Variants in ZNF888 observed in about 807,000 individuals in gnomAD.
ZNF888 encodes zinc finger protein 888.
ZNF888 carries 5 observed loss-of-function variants against 7.2 expected under a neutral mutation model. The ratio of observed to expected loss-of-function variants is 0.70; its 90% CI spans 0.36 to 1.46. The LOEUF (loss-of-function observed/expected upper bound fraction) is 1.46, where lower values mean the gene tolerates loss of function less well. Among genes scored for constraint, ZNF888 ranks in the 40% most tolerant of loss-of-function variants. The pLI is 0.03. For missense variants in ZNF888, 716 were observed against 858.0 expected (o/e 0.83, Z 2.07); for synonymous variants, 240 against 284.3 (o/e 0.84, Z 1.57).
intron 4 of ZNF888, 103 bp from the exon 5 acceptor site, chr19:52,908,282 T>G: frequency 8.7e-7 from 1 of 1,150,932 alleles, no homozygotes; most frequent in Non-Finnish European, 1.3e-6. Flanking sequence ...TTTAAACATC[T>G]CAAACATGAG....
At position 52,907,013 on chromosome 19, in the gene ZNF888, G is replaced by A. The variant is rs1461881917; in HGVS notation, c.1309C>T (p.Pro437Ser). The A allele has an allele frequency of 3.8e-5, 61 of 1,612,156 alleles. No homozygotes were observed. Among genetic ancestry groups the A allele is most frequent in the Non-Finnish European group, 4.2e-6 (5 of 1,179,704 alleles). The change falls in exon 5 of 5, where the codon CCT becomes TCT. Residue 437 changes from proline (P) to serine (S), a missense_variant. By Grantham distance (74) the Pro-to-Ser change is moderately conservative (BLOSUM62 -1). Transcript: ENST00000638862. Reference sequence around the variant, plus strand: ...TTGCCACATTCATTACACTTGTAAGGTTTCTCTCCAGTATGAATTGTCTTG... The same window carrying A: ...TTGCCACATTCATTACACTTGTAAGATTTCTCTCCAGTATGAATTGTCTTG... The part of the protein sequence containing the change: ...VHKTIHTGEK[P>S]YKCNECGKVF...
At position 52,906,177 on chromosome 19, in the gene ZNF888, C is replaced by A; in HGVS notation, c.2145G>T (p.Gly715=). 1 of 1,612,110 alleles carries A rather than the reference C, an allele frequency of 6.2e-7. No individual in the cohort carries two copies. The highest frequency in any genetic ancestry group is 1.1e-5 in the South Asian group (1 of 90,832). Residue 715 remains glycine, a synonymous_variant, in exon 5 of 5, where the codon GGG becomes GGT. Transcript: ENST00000638862. The part of the protein sequence containing the change: ...LIHHQAIHGV[G]KLD ...GACAATCATTACATTAGTCAAGTTT[C>A]CCTACACCATGGATTGCCTGATGGT... is the stretch of plus-strand genomic sequence containing the variant.
At chr19:52,919,592 G>A (rs1600691137) in intron 1 of ZNF888, among the ~76,000 whole-genome samples, 1 of 71,146 alleles carries the variant, frequency 1.4e-5, no homozygotes, top group Admixed American at 1.8e-4. Context: ...CATCTGGGAA[G>A]TGAGGAGCGT....
intron 1 of ZNF888, 24 bp from the exon 2 acceptor site, chr19:52,918,961 TCCCTCTCCCTCC>T (rs1190994554): frequency 1.5e-4 from 1 of 6,706 alleles, no homozygotes; most frequent in East Asian, 7.5e-3. Context: ...AAAAAAAATC[TCCCTCTCCCTCC>T]CCCTCCCTCT....
In ZNF888 at chr19:52,917,948, T is replaced by C; in HGVS notation, c.-58-17A>G. ...ACCCAGAGTCTTTAGAAGTCAATCATGAATGTTAGAAATATGTTGTTTATT... is the reference window on the plus strand; with the variant it reads ...ACCCAGAGTCTTTAGAAGTCAATCACGAATGTTAGAAATATGTTGTTTATT... On this transcript the variant is annotated splice_polypyrimidine_tract_variant and intron_variant, in intron 2 of 4. Coordinates refer to ENST00000638862, the MANE Select transcript of ZNF888 (RefSeq NM_001393938.1). 7 of 1,605,812 alleles carry C rather than the reference T, an allele frequency of 4.4e-6. No individual in the cohort carries two copies. The highest frequency in any genetic ancestry group is 5.9e-6 in the Non-Finnish European group (7 of 1,179,504).
chr19:52,912,876 G>C (rs1315918880), intron 4 of ZNF888, among the ~76,000 whole-genome samples: 6 of 152,138 alleles, frequency 3.9e-5, no homozygotes, highest in Non-Finnish European at 1.5e-5. Flanking sequence ...GGGAGGATGA[G>C]CCAGGCAGAT....
chr19:52,921,276 A>G (rs1305055692), intron 1 of ZNF888, among the ~76,000 whole-genome samples: 1 of 152,230 alleles, frequency 6.6e-6, no homozygotes, highest in Non-Finnish European at 1.5e-5. Flanking sequence ...GGGGCCCTGG[A>G]CACAGGGCTG....
At chr19:52,912,182 C>T (rs7250504) in intron 4 of ZNF888, among the ~76,000 whole-genome samples, 89,781 of 145,556 alleles carry the variant, frequency 0.62, 28,442 homozygotes, top group Admixed American at 0.7. Context: ...GGCAAGATCT[C>T]GGCTCACTGC....
At position 52,906,232 on chromosome 19, in the gene ZNF888, T is replaced by G; in HGVS notation, c.2090A>C (p.Lys697Thr). The part of the protein sequence containing the change: ...EKPFKCSECG[K>T]AFRAQSTLIH... ...AAGTGTTGACTGTGCACGAAAGGCT[T>G]TGCCACACTCACTACACTTGAAAGG... is the stretch of plus-strand genomic sequence containing the variant. The change falls in exon 5 of 5, where the codon AAA becomes ACA. Residue 697 changes from lysine (K) to threonine (T), a missense_variant. This residue lies in a region of ZNF888 where 697 missense variants were observed against 803.4 expected (regional missense o/e 0.87). Coordinates refer to ENST00000638862, the MANE Select transcript of ZNF888 (RefSeq NM_001393938.1). 1.2e-6 allele frequency: 2 copies of G among 1,610,492 alleles called. No individual in the cohort carries two copies. The highest frequency in any genetic ancestry group is 2.2e-5 in the South Asian group (2 of 90,618).
rs1042077082 is a variant in ZNF888, at chr19:52,906,951, A to G, written c.1371T>C (p.His457=). The change falls in exon 5 of 5, where the codon CAT becomes CAC. Residue 457 remains histidine, a synonymous_variant. Coordinates refer to ENST00000638862, the MANE Select transcript of ZNF888 (RefSeq NM_001393938.1). The part of the protein sequence containing the change: ...FNQQSNLARH[H]RLHTGEKPYK... ...AAGGTTTCTCTCCAGTATGAAGTCT[A>G]TGATGACGTGCAAGGTTTGATTGTT... 4.0e-5 allele frequency: 65 copies of G among 1,612,988 alleles called. No homozygotes were observed. Among genetic ancestry groups the G allele is most frequent in the Non-Finnish European group, 5.2e-5 (61 of 1,179,500 alleles).
chr19:52,913,128 A>C (rs1256018140), intron 4 of ZNF888, among the ~76,000 whole-genome samples: 1 of 152,144 alleles, frequency 6.6e-6, no homozygotes, highest in Admixed American at 6.6e-5. Flanking sequence ...AAATTAATTA[A>C]TAAAAGGACA....
At chr19:52,922,958 T>A (rs1263054849) in intron 1 of ZNF888, among the ~76,000 whole-genome samples, 1 of 151,770 alleles carries the variant, frequency 6.6e-6, no homozygotes, top group Non-Finnish European at 1.5e-5. Context: ...GTCCGCAGGA[T>A]CCCACCACCG....
chr19:52,914,308 A>G (rs2064719078), intron 4 of ZNF888: 52 of 980,264 alleles, frequency 5.3e-5, no homozygotes, highest in South Asian at 4.7e-4. Context: ...CACCTGTAAT[A>G]TATTCCCACC....
chr19:52,915,208 G>A lies in ZNF888; in HGVS notation c.130C>T (p.Leu44=). The A allele has an allele frequency of 6.3e-7, 1 of 1,594,584 alleles. No homozygotes were observed. Among genetic ancestry groups the A allele is most frequent in the Non-Finnish European group, 8.5e-7 (1 of 1,176,000 alleles). Reference sequence around the variant, plus strand: ...AAGTTATCCTCACCCAGGGAGACCAGGTTCCTATAATTCTCCAGCATCACG... The same window carrying A: ...AAGTTATCCTCACCCAGGGAGACCAAGTTCCTATAATTCTCCAGCATCACG... ...RDVMLENYRN[L]VSLDISSKCM... is the part of the protein sequence containing the mutation. The change falls in exon 4 of 5, where the codon CTG becomes TTG. Residue 44 remains leucine (L), a synonymous_variant. Transcript: ENST00000638862.
Position 52,907,619 on chromosome 19 carries a change from T to A in ZNF888, c.703A>T (p.Ile235Phe). The A allele has an allele frequency of 6.2e-7, 1 of 1,601,232 alleles. No individual in the cohort carries two copies. The highest frequency in any genetic ancestry group is 8.5e-7 in the Non-Finnish European group (1 of 1,175,608). The change falls in exon 5 of 5, where the codon ATT (isoleucine) becomes TTT (phenylalanine). Residue 235 changes from isoleucine to phenylalanine, a missense_variant. Around this residue, in one of 2 missense-constraint regions of ZNF888, gnomAD observed 697 missense variants for 803.4 expected, o/e 0.87. Coordinates refer to ENST00000638862, the MANE Select transcript of ZNF888 (RefSeq NM_001393938.1). ...TTATATTGTTTCTCTCCTAGATGAA[T>A]TATCTGATGTTTTTTAAAGAGTGAG... ...CSSLFKKHQI[I>F]HLGEKQYKCD... is the part of the protein sequence containing the mutation.
intron 3 of ZNF888, 47 bp from the exon 4 acceptor site, chr19:52,915,369 T>C (rs2064733366): frequency 1.2e-6 from 2 of 1,612,016 alleles, no homozygotes; most frequent in Admixed American, 1.7e-5. Context: ...GAGGAGATCT[T>C]ATCTTTACAG....
At chr19:52,918,259 G>C (rs2064773808) in intron 2 of ZNF888, 1 of 955,780 alleles carries the variant, frequency 1.0e-6, no homozygotes, top group Non-Finnish European at 1.2e-6. Flanking sequence ...GGAGACCAAG[G>C]TAGGTACATT....
chr19:52,907,799 T>C lies in ZNF888; in HGVS notation c.523A>G (p.Thr175Ala). Residue 175 changes from threonine to alanine, a missense_variant, in exon 5 of 5, where the codon ACA (threonine) becomes GCA (alanine). Transcript: ENST00000638862. ...GGCCTACAAGAAATTCTTTGGGATG[T>C]TGAAACTGAGGAAGCATTGTTGATA... ...KSINNASSVS[T>A]SQRISCRPKT... The C allele has an allele frequency of 3.7e-6, 6 of 1,614,182 alleles. No homozygotes were observed. The highest frequency in any genetic ancestry group is 5.1e-6 in the Non-Finnish European group (6 of 1,180,030).
At chr19:52,913,775 C>A (rs1168511864) in intron 4 of ZNF888, 2 of 981,274 alleles carry the variant, frequency 2.0e-6, no homozygotes, top group Non-Finnish European at 1.2e-6. Context: ...TATATTCACA[C>A]TGGAATCATG....
Sources: allele counts gnomAD v4.1 joint callset (sites outside exome capture counted in the v4.1 genomes callset), GRCh38; gene constraint gnomAD v4.1.1; regional missense constraint gnomAD v4.1.1; transcripts MANE v1.5; gene names NCBI Gene and HGNC (gene_info 2026-07-23, HGNC 2026-07-21).